The following TBXAS1 variants were observed in gnomAD, a reference collection of about 807,000 sequenced individuals.
TBXAS1 encodes the protein thromboxane-A synthase.
TBXAS1 carries 48 observed loss-of-function variants against 60.7 expected under a neutral mutation model. That is an observed-to-expected ratio of 0.79 (90% CI 0.63 to 1.01). TBXAS1 has a LOEUF of 1.01. Among genes scored for constraint, TBXAS1 ranks in the 50% least tolerant of loss-of-function variants. The probability of loss-of-function intolerance (pLI) is 0.00; values close to 1 mark genes in which losing one functional copy is unlikely to be tolerated. For missense variants in TBXAS1, 685 were observed against 686.3 expected (o/e 1.00, Z 0.02); for synonymous variants, 287 against 269.7 (o/e 1.06, Z -0.63).
At position 139,852,157 on chromosome 7, in the gene TBXAS1, C is replaced by T. The variant is rs1800261457; in HGVS notation, c.90-20078C>T. ...CTCGCAGACTCCTGACCCTCAGAAT[C>T]TGTGAGATAATGAATGTTTGTTGTC... On this transcript the variant is annotated intron_variant, in intron 1 of 12. Coordinates refer to ENST00000448866, the MANE Select transcript of TBXAS1 (RefSeq NM_001061.7). The surrounding 1 kb of genome is among the most constrained non-coding windows in gnomAD (Gnocchi z 4.4). 6.6e-6 allele frequency among the ~76,000 whole-genome samples: 1 copy of T among 152,188 alleles called. No individual in the cohort carries two copies. The highest frequency in any genetic ancestry group is 2.4e-5 in the African/African-American group (1 of 41,448).
intron 3 of TBXAS1, among the ~76,000 whole-genome samples, chr7:139,881,810 C>T (rs539720867): frequency 6.6e-6 from 1 of 152,258 alleles, no homozygotes; most frequent in Non-Finnish European, 1.5e-5. Context: ...GTTCACACCA[C>T]AGGAGGGGGA....
intron 5 of TBXAS1, among the ~76,000 whole-genome samples, chr7:139,946,537 A>G (rs969760916): frequency 1.3e-5 from 2 of 152,210 alleles, no homozygotes; most frequent in Admixed American, 6.5e-5. Context: ...GATAAATATG[A>G]AAGAACAGAT....
rs973974799 is a variant in TBXAS1 at position 139,905,049 on chromosome 7, T to C, written c.237-6176T>C. ...TTTCTTTCTTTCTTTCTTTCTTTCT[T>C]TCTTTCTTTCTCTCTCTCTCTCTCT... On this transcript the variant is annotated intron_variant, in intron 3 of 12. Transcript: ENST00000448866. Among the ~76,000 whole-genome samples the C allele has an allele frequency of 6.8e-3, 616 of 90,194 alleles. 13 individuals are homozygous for C. Among genetic ancestry groups the C allele is most frequent in the African/African-American group, 0.034 (584 of 17,258 alleles). 59.2% of individuals were successfully genotyped at this position (90,194 alleles called of 152,430 possible). A position where few individuals can be genotyped will look rare whatever the true frequency, so the allele number is the denominator to read the frequency against.
At chr7:140,007,258 C>T (rs1290380041) in intron 10 of TBXAS1, 76 bp downstream of exon 10, 10 of 1,333,314 alleles carry the variant, frequency 7.5e-6, no homozygotes, top group Non-Finnish European at 1.1e-5. Flanking sequence ...CAGGTCAGGG[C>T]CCTCCTCCAT....
At chr7:139,969,082 C>CT (rs1811006393) in intron 9 of TBXAS1, among the ~76,000 whole-genome samples, 1 of 152,210 alleles carries the variant, frequency 6.6e-6, no homozygotes, top group African/African-American at 2.4e-5. Context: ...GTGCTGGACT[C>CT]TGCCAGCCAA....
chr7:139,952,386 C>T (rs1262748430), intron 5 of TBXAS1, among the ~76,000 whole-genome samples: 4 of 152,168 alleles, frequency 2.6e-5, no homozygotes, highest in Non-Finnish European at 5.9e-5. Flanking sequence ...TCTCTGACCT[C>T]GAGAACTCAA....
chr7:140,014,076 A>G (rs1284141325), intron 10 of TBXAS1, among the ~76,000 whole-genome samples: 1 of 152,244 alleles, frequency 6.6e-6, no homozygotes, highest in Non-Finnish European at 1.5e-5. Flanking sequence ...ATCCTTGGGA[A>G]GAAGCAGACA....
At chr7:139,970,386 C>A (rs1811111179) in intron 9 of TBXAS1, among the ~76,000 whole-genome samples, 1 of 152,220 alleles carries the variant, frequency 6.6e-6, no homozygotes, top group Non-Finnish European at 1.5e-5. Flanking sequence ...GGATTACAGG[C>A]GTGAGCCACC....
intron 4 of TBXAS1, among the ~76,000 whole-genome samples, chr7:139,813,095 AAATAAAATAAAAT>A (rs1380808953): frequency 2.3e-4 from 31 of 137,470 alleles, no homozygotes; most frequent in African/African-American, 7.4e-4. Context: ...AAATAAAATA[AAATAAAATAAAAT>A]AAAATAAAAT....
chr7:139,952,148 A>C (rs1251145879), intron 5 of TBXAS1, among the ~76,000 whole-genome samples: 2 of 152,214 alleles, frequency 1.3e-5, no homozygotes, highest in Non-Finnish European at 2.9e-5. Flanking sequence ...AAACCAGCAA[A>C]AGATTGTTAG....
rs114990498 is a variant in TBXAS1, at chr7:139,864,298, G to A, written c.90-7937G>A. Among the ~76,000 whole-genome samples, 806 of 146,710 alleles carry A rather than the reference G, an allele frequency of 5.5e-3. 10 individuals are homozygous for A. Among genetic ancestry groups the A allele is most frequent in the African/African-American group, 0.019 (755 of 40,014 alleles). ...ATGAGCAACACCAAAACAAATGTAC[G>A]TAAATAGCAAAAAGATACTCTTCTC... On this transcript the variant is annotated intron_variant, in intron 1 of 12. Coordinates refer to ENST00000448866, the MANE Select transcript of TBXAS1 (RefSeq NM_001061.7).
chr7:140,001,681 C>A (rs756604227), intron 9 of TBXAS1, among the ~76,000 whole-genome samples: 3 of 152,172 alleles, frequency 2.0e-5, no homozygotes, highest in African/African-American at 7.2e-5. Context: ...CGTGAGCCAC[C>A]GTGACTGGCC....
At chr7:139,791,469 G>A (rs115233275) in intron 4 of TBXAS1, among the ~76,000 whole-genome samples, 119 of 152,288 alleles carry the variant, frequency 7.8e-4, no homozygotes, top group African/African-American at 2.8e-3. Context: ...CCACAACTCA[G>A]TGACATGGCT....
chr7:139,837,552 A>G (rs992368834), intron 1 of TBXAS1, among the ~76,000 whole-genome samples: 1 of 152,232 alleles, frequency 6.6e-6, no homozygotes, highest in African/African-American at 2.4e-5. Flanking sequence ...TAAGTGAAAT[A>G]ACTCAGGAAT....
At chr7:139,980,963 G>T (rs775654086) in intron 9 of TBXAS1, among the ~76,000 whole-genome samples, 1 of 151,182 alleles carries the variant, frequency 6.6e-6, no homozygotes, top group Non-Finnish European at 1.5e-5. Context: ...TTATAAAAGC[G>T]AAACCAAAAA....
chr7:139,980,100 C>G (rs1332160988), intron 9 of TBXAS1, among the ~76,000 whole-genome samples: 1 of 152,142 alleles, frequency 6.6e-6, no homozygotes, highest in East Asian at 1.9e-4. Context: ...TTAAAGACCA[C>G]TTAATAAGGC....
chr7:139,966,091 G>A (rs1028408374), intron 9 of TBXAS1, among the ~76,000 whole-genome samples: 5 of 152,084 alleles, frequency 3.3e-5, no homozygotes, highest in African/African-American at 7.2e-5. Context: ...GCCAGACTCC[G>A]GGGCTCCAGC....
chr7:139,974,394 C>T (rs529745347), intron 9 of TBXAS1, among the ~76,000 whole-genome samples: 3 of 152,264 alleles, frequency 2.0e-5, no homozygotes, highest in South Asian at 2.1e-4. Context: ...CCCCTCACAC[C>T]GGGCCAACCT....
intron 9 of TBXAS1, 134 bp downstream of exon 9, chr7:139,962,367 G>A: frequency 2.7e-6 from 3 of 1,119,820 alleles, no homozygotes. Context: ...TAGGGTCATT[G>A]CTTGGCTTCT....
Sources: gnomAD v4.1 joint callset for allele counts (sites outside exome capture counted in the v4.1 genomes callset) on GRCh38, gnomAD v4.1.1 for gene constraint, Gnocchi (gnomAD v3.1) non-coding constraint, MANE v1.5 for transcripts, NCBI Gene and HGNC (gene_info 2026-07-23, HGNC 2026-07-21) for gene names.